Variants in SCMH1 observed in about 807,000 individuals in gnomAD.
The protein encoded by SCMH1 is polycomb protein SCMH1.
SCMH1 carries 37 observed loss-of-function variants against 70.8 expected under a neutral mutation model. The observed-to-expected ratio is 0.52, with a 90% confidence interval of 0.40 to 0.69. SCMH1 has a LOEUF of 0.69. Among genes scored for constraint, SCMH1 ranks in the 30% least tolerant of loss-of-function variants. The probability of loss-of-function intolerance (pLI) is 0.00; values close to 1 mark genes in which losing one functional copy is unlikely to be tolerated. For missense variants in SCMH1, 607 were observed against 827.3 expected (o/e 0.73, Z 3.27); for synonymous variants, 292 against 307.4 (o/e 0.95, Z 0.52).
intron 3 of SCMH1, 102 bp downstream of exon 3, chr1:41,161,262 A>G: frequency 6.6e-7 from 1 of 1,515,008 alleles, no homozygotes. Flanking sequence ...CTGATATAAC[A>G]ATTGAGTTAT....
At chr1:41,068,263 T>A (rs1330341611) in intron 10 of SCMH1, among the ~76,000 whole-genome samples, 1 of 152,066 alleles carries the variant, frequency 6.6e-6, no homozygotes, top group African/African-American at 2.4e-5. Flanking sequence ...GAAAACTTGA[T>A]GAAAGTTGAC....
At chr1:41,119,453 A>AC (rs867226950) in intron 6 of SCMH1, among the ~76,000 whole-genome samples, 1 of 82,604 alleles carries the variant, frequency 1.2e-5, no homozygotes, top group East Asian at 3.1e-4. Flanking sequence ...AAAAAACAAA[A>AC]AAAAAAAAAC....
rs1650401518 is a variant in SCMH1 at position 41,186,999 on chromosome 1, T to G, written c.-117-749A>C. Among the ~76,000 whole-genome samples the G allele has an allele frequency of 2.0e-5, 3 of 152,170 alleles. No homozygotes were observed. In the South Asian group the frequency reaches 6.2e-4, roughly 31 times the overall value. ...ACTGTAGCAATTCTTTGGGAGTACCTCAGTTCCCCTAAAGAACTTTCACTC... is the reference window on the plus strand; with the variant it reads ...ACTGTAGCAATTCTTTGGGAGTACCGCAGTTCCCCTAAAGAACTTTCACTC... On this transcript the variant is annotated intron_variant, in intron 1 of 14. Transcript: ENST00000337495.
At chr1:41,099,348 A>G (rs1054323592) in intron 8 of SCMH1, among the ~76,000 whole-genome samples, 2 of 152,220 alleles carry the variant, frequency 1.3e-5, no homozygotes, top group African/African-American at 4.8e-5. Context: ...GCTGGTTTAA[A>G]AAAGGGCCCT....
intron 6 of SCMH1, among the ~76,000 whole-genome samples, chr1:41,117,449 C>T (rs1416460060): frequency 6.6e-6 from 1 of 150,914 alleles, no homozygotes; most frequent in Non-Finnish European, 1.5e-5. Context: ...CTAGTGGTAG[C>T]GTCAGTGTCA....
intron 5 of SCMH1, among the ~76,000 whole-genome samples, 164 bp downstream of exon 5, chr1:41,151,448 TCA>T (rs1312294631): frequency 6.6e-6 from 1 of 152,220 alleles, no homozygotes; most frequent in Non-Finnish European, 1.5e-5. Context: ...CTGCCAAAAC[TCA>T]CAGTGACCAA....
chr1:41,044,485 AAG>A (rs1354096658), intron 12 of SCMH1, among the ~76,000 whole-genome samples: 1 of 152,158 alleles, frequency 6.6e-6, no homozygotes, highest in African/African-American at 2.4e-5. Flanking sequence ...AGGATACACT[AAG>A]AAGCACAGAG....
Position 41,070,476 on chromosome 1 carries a change from T to A in SCMH1, c.1105+119A>T, listed in dbSNP as rs188684280. 257 of 1,317,632 alleles carry A rather than the reference T, an allele frequency of 2.0e-4. 2 individuals are homozygous for A. The highest frequency in any genetic ancestry group is 1.4e-3 in the East Asian group (54 of 39,528). The allele number at this position is 1,317,632 out of a possible 1,614,324, so 81.6% of individuals were successfully genotyped here. A position where few individuals can be genotyped will look rare whatever the true frequency, so the allele number is the denominator to read the frequency against. Reference sequence around the variant, plus strand: ...TTCAAATGCCAAAGATAAAATTTTTTAAAAATATTTTACCTAGGTTTACAA... The same window carrying A: ...TTCAAATGCCAAAGATAAAATTTTTAAAAAATATTTTACCTAGGTTTACAA... On this transcript the variant is annotated intron_variant, in intron 10 of 14. Coordinates refer to ENST00000337495, the Ensembl canonical transcript of SCMH1.
chr1:41,073,618 TCATCCATCCATC>T (rs3831833), intron 9 of SCMH1, among the ~76,000 whole-genome samples: 12,459 of 148,680 alleles, frequency 0.084, 689 homozygotes, highest in South Asian at 0.15. Context: ...ATCACTAAAA[TCATCCATCCATC>T]CATCCATCCA....
intron 8 of SCMH1, among the ~76,000 whole-genome samples, chr1:41,092,708 C>T (rs1663972083): frequency 6.6e-6 from 1 of 152,150 alleles, no homozygotes; most frequent in Non-Finnish European, 1.5e-5. Flanking sequence ...AAAAAGTGGG[C>T]AAAGGATATG....
chr1:41,174,351 T>G (rs980359436), intron 2 of SCMH1, among the ~76,000 whole-genome samples: 1 of 151,846 alleles, frequency 6.6e-6, no homozygotes, highest in African/African-American at 2.4e-5. Context: ...AGTTGTGGTG[T>G]TGTTGGCTGA....
At chr1:41,164,758 G>A (rs1446213238) in intron 2 of SCMH1, among the ~76,000 whole-genome samples, 3 of 151,672 alleles carry the variant, frequency 2.0e-5, no homozygotes, top group Non-Finnish European at 2.9e-5. Flanking sequence ...ATTTGTAATT[G>A]GCCAACAATA....
At chr1:41,077,403 A>C (rs898433477) in intron 8 of SCMH1, among the ~76,000 whole-genome samples, 1 of 152,178 alleles carries the variant, frequency 6.6e-6, no homozygotes, top group Non-Finnish European at 1.5e-5. Context: ...ATTTTGGGCC[A>C]GCACATTGGA....
intron 1 of SCMH1, among the ~76,000 whole-genome samples, chr1:41,215,915 G>A (rs937592774): frequency 6.6e-6 from 1 of 152,148 alleles, no homozygotes; most frequent in African/African-American, 2.4e-5. Flanking sequence ...GTACACAAAT[G>A]TTAACATAGG....
chr1:41,193,094 C>T (rs998110887), intron 1 of SCMH1, among the ~76,000 whole-genome samples: 1 of 152,226 alleles, frequency 6.6e-6, no homozygotes, highest in African/African-American at 2.4e-5. Flanking sequence ...CATAGATTGC[C>T]AACTACTAAC....
At chr1:41,109,575 GGGA>G (rs1226901228) in intron 8 of SCMH1, among the ~76,000 whole-genome samples, 1 of 152,168 alleles carries the variant, frequency 6.6e-6, no homozygotes. Context: ...TGTAAAGTGT[GGGA>G]GGAGACAGTT....
chr1:41,177,716 C>A (rs528469553), intron 2 of SCMH1, among the ~76,000 whole-genome samples: 1 of 152,270 alleles, frequency 6.6e-6, no homozygotes, highest in African/African-American at 2.4e-5. Flanking sequence ...ACGAACACAG[C>A]CTCCAAGAAA....
chr1:41,184,983 TCTC>T (rs901282106), intron 2 of SCMH1, among the ~76,000 whole-genome samples: 12 of 152,184 alleles, frequency 7.9e-5, no homozygotes, highest in Non-Finnish European at 1.5e-4. Flanking sequence ...TATGTCTTAT[TCTC>T]CTTACTATCT....
chr1:41,130,044 C>T (rs1404475867), intron 6 of SCMH1, among the ~76,000 whole-genome samples: 1 of 152,090 alleles, frequency 6.6e-6, no homozygotes, highest in Non-Finnish European at 1.5e-5. Context: ...GAAGTGTCAT[C>T]TCAATGCAGT....
Sources: allele counts gnomAD v4.1 joint callset (sites outside exome capture counted in the v4.1 genomes callset), GRCh38; gene constraint gnomAD v4.1.1; transcripts MANE v1.5; gene names NCBI Gene and HGNC (gene_info 2026-07-23, HGNC 2026-07-21).